CYP27C1: variants seen among roughly 807,000 people sequenced by gnomAD.
CYP27C1 encodes the protein cytochrome P450 27C1.
A neutral mutation model predicts 40.6 loss-of-function variants in CYP27C1; 29 were observed. The ratio of observed to expected loss-of-function variants is 0.71; its 90% confidence interval spans 0.53 to 0.97. CYP27C1 has a LOEUF of 0.97. Among genes scored for constraint, CYP27C1 ranks in the 50% least tolerant of loss-of-function variants. CYP27C1 has a pLI of 0.00. For missense variants in CYP27C1, 390 were observed against 485.8 expected, an observed-to-expected ratio of 0.80 and a Z score of 1.85; for synonymous variants, 198 against 186.8, an observed-to-expected ratio of 1.06 and a Z score of -0.49.
At chr2:127,211,413 C>G (rs1458778767) in intron 1 of CYP27C1, among the ~76,000 whole-genome samples, 3 of 121,510 alleles carry the variant, frequency 2.5e-5, no homozygotes, top group Non-Finnish European at 4.8e-5. Context: ...GATGGAGTCT[C>G]GCTCTTTCAC....
chr2:127,204,466 A>AAG lies in CYP27C1; in HGVS notation c.474-897_474-896dup, dbSNP rs1423637801. Among the ~76,000 whole-genome samples, 2 of 69,692 alleles carry AAG rather than the reference A, an allele frequency of 2.9e-5. 1 individual carries two copies. The highest frequency in any genetic ancestry group is 1.1e-3 in the East Asian group (2 of 1,760). The allele number at this position is 69,692 out of a possible 152,430, so 45.7% of individuals were successfully genotyped here. ...AAAGAAAGAAAGAAAGAAAGAAAGA[A>AAG]AGAAAGAAAGAAAGAAAGAAAGGAA... On this transcript the variant is annotated intron_variant, in intron 2 of 8. Coordinates refer to ENST00000664447, the MANE Select transcript of CYP27C1 (RefSeq NM_001367502.1).
chr2:127,212,760 A>T (rs1465260914), intron 1 of CYP27C1, among the ~76,000 whole-genome samples: 3 of 152,254 alleles, frequency 2.0e-5, no homozygotes, highest in African/African-American at 4.8e-5. Flanking sequence ...CTGGTACAAG[A>T]CAAGGATGTC....
chr2:127,187,415 C>T (rs1682655752), intron 8 of CYP27C1, 28 bp from the exon 9 acceptor site: 1 of 1,590,512 alleles, frequency 6.3e-7, no homozygotes, highest in African/African-American at 1.3e-5. Flanking sequence ...GAGAAGGGGT[C>T]AGAATTGGAA....
chr2:127,191,176 G>A (rs1330485423), intron 8 of CYP27C1, among the ~76,000 whole-genome samples: 1 of 152,020 alleles, frequency 6.6e-6, no homozygotes, highest in Non-Finnish European at 1.5e-5. Flanking sequence ...GACCCCAGGA[G>A]GCGGAGGTTG....
intron 4 of CYP27C1, among the ~76,000 whole-genome samples, chr2:127,199,788 T>C (rs1682989911): frequency 6.6e-6 from 1 of 152,268 alleles, no homozygotes; most frequent in African/African-American, 2.4e-5. Flanking sequence ...TATTTGCAGA[T>C]GTTTGCTTTA....
At position 127,200,888 on chromosome 2, in the gene CYP27C1, A is replaced by G. The variant is rs1420267086; in HGVS notation, c.883+234T>C. Reference sequence around the variant, plus strand: ...TGAGGCATGATAATCACTTGAACCTAGGAGGCAGAGGTTGCAGTGAGCTGA... The same window carrying G: ...TGAGGCATGATAATCACTTGAACCTGGGAGGCAGAGGTTGCAGTGAGCTGA... On this transcript the variant is annotated intron_variant, in intron 4 of 8. Transcript: ENST00000664447. This position sits in a 1 kb window ranked among gnomAD's most constrained non-coding sequence, Gnocchi z 4.2. 2.0e-5 allele frequency among the ~76,000 whole-genome samples: 3 copies of G among 151,962 alleles called. No individual in the cohort carries two copies. Among genetic ancestry groups the G allele is most frequent in the African/African-American group, 7.3e-5 (3 of 41,354 alleles).
intron 2 of CYP27C1, among the ~76,000 whole-genome samples, chr2:127,203,981 A>T (rs1248345162): frequency 1.3e-5 from 2 of 151,684 alleles, no homozygotes; most frequent in Non-Finnish European, 2.9e-5. Context: ...AAAGAAAAAG[A>T]GGGCCAGGCA....
At chr2:127,217,603 T>C (rs1012417989) in intron 1 of CYP27C1, among the ~76,000 whole-genome samples, 1 of 152,198 alleles carries the variant, frequency 6.6e-6, no homozygotes, top group African/African-American at 2.4e-5. Flanking sequence ...GTTTCGGCCA[T>C]CCTGCTGCTC....
intron 2 of CYP27C1, among the ~76,000 whole-genome samples, chr2:127,204,535 A>AAGAAAGAAAGAAAGAGAGAGAG: frequency 2.1e-5 from 1 of 46,946 alleles, no homozygotes; most frequent in African/African-American, 7.3e-5. Flanking sequence ...GAAAGAAAGA[A>AAGAAAGAAAGAAAGAGAGAGAG]AGAGAGAGAG....
At position 127,187,309 on chromosome 2, in the gene CYP27C1, C is replaced by G. The variant is rs143498542; in HGVS notation, c.1576G>C (p.Gly526Arg). 93 of 1,614,216 alleles carry G rather than the reference C, an allele frequency of 5.8e-5. No homozygotes were observed. The African/African-American group carries it at 1.1e-3, about 19-fold the overall frequency. ...ACAAATCGCACGTGGATGGGCCCCCCTGGCGTCAGGAGCCCGTGGGTTTTT... is the reference window on the plus strand; with the variant it reads ...ACAAATCGCACGTGGATGGGCCCCCGTGGCGTCAGGAGCCCGTGGGTTTTT... The part of the protein sequence containing the change: ...HAKTHGLLTP[G>R]GPIHVRFVNR... Residue 526 changes from glycine to arginine, a missense_variant, in exon 9 of 9, where the codon GGG (glycine) becomes CGG (arginine). By Grantham distance (125) the Gly-to-Arg change is moderately radical. Transcript: ENST00000664447.
Position 127,209,094 on chromosome 2 carries a change from C to T in CYP27C1, c.283-3004G>A, listed in dbSNP as rs1683289032. On this transcript the variant is annotated intron_variant, in intron 1 of 8. Coordinates refer to ENST00000664447, the MANE Select transcript of CYP27C1 (RefSeq NM_001367502.1). The surrounding 1 kb of genome is among the most constrained non-coding windows in gnomAD (Gnocchi z 4.1). ...GTCAGATACCCTATACAGAAGCAAT[C>T]CTACTGGCATCAGGTTGATGCCCCT... Among the ~76,000 whole-genome samples, 1 of 152,158 alleles carries T rather than the reference C, an allele frequency of 6.6e-6. No homozygotes were observed. Among genetic ancestry groups the T allele is most frequent in the Admixed American group, 6.5e-5 (1 of 15,276 alleles).
chr2:127,206,958 A>G (rs554061442), intron 1 of CYP27C1, among the ~76,000 whole-genome samples: 1 of 152,282 alleles, frequency 6.6e-6, no homozygotes, highest in African/African-American at 2.4e-5. Flanking sequence ...AACAAGTTCA[A>G]TAGGACACAA....
chr2:127,213,418 C>A (rs1295072367), intron 1 of CYP27C1, among the ~76,000 whole-genome samples: 2 of 152,138 alleles, frequency 1.3e-5, no homozygotes, highest in African/African-American at 4.8e-5. Flanking sequence ...TCAAACTATA[C>A]TACAAGGCTA....
In CYP27C1 at chr2:127,201,374, T is replaced by C; in HGVS notation, c.674-43A>G. The C allele has an allele frequency of 6.3e-7, 1 of 1,578,052 alleles. No individual in the cohort carries two copies. Among genetic ancestry groups the C allele is most frequent in the Non-Finnish European group, 8.7e-7 (1 of 1,154,814 alleles). ...TTTGAAAACCCTCTTCTAGATTATT[T>C]ACCATACCAACAGGCAATGTTGGGC... On this transcript the variant is annotated intron_variant, in intron 3 of 8. Coordinates refer to ENST00000664447, the MANE Select transcript of CYP27C1 (RefSeq NM_001367502.1). The surrounding 1 kb of genome is among the most constrained non-coding windows in gnomAD (Gnocchi z 6.0).
chr2:127,207,669 CA>C (rs989224983), intron 1 of CYP27C1, among the ~76,000 whole-genome samples: 135 of 126,232 alleles, frequency 1.1e-3, no homozygotes, highest in Admixed American at 7.4e-3. Flanking sequence ...GACTCTGTCA[CA>C]AAAAAAAAAA....
chr2:127,199,364 C>A lies in CYP27C1; in HGVS notation c.1047+12G>T, dbSNP rs1682977367. Reference sequence around the variant, plus strand: ...GTGTGTTGCTTGCTGAGAACAGGACCCCCAGACTCACCGTGTCGACGCCGG... The same window carrying A: ...GTGTGTTGCTTGCTGAGAACAGGACACCCAGACTCACCGTGTCGACGCCGG... On this transcript the variant is annotated intron_variant, in intron 5 of 8. Coordinates refer to ENST00000664447, the MANE Select transcript of CYP27C1 (RefSeq NM_001367502.1). 6.2e-7 allele frequency: 1 copy of A among 1,613,460 alleles called. No individual in the cohort carries two copies. Among genetic ancestry groups the A allele is most frequent in the African/African-American group, 1.3e-5 (1 of 74,902 alleles).
At chr2:127,190,331 C>CTTTTTTTTT (rs11400543) in intron 8 of CYP27C1, among the ~76,000 whole-genome samples, 2 of 120,224 alleles carry the variant, frequency 1.7e-5, no homozygotes, top group Non-Finnish European at 3.2e-5. Flanking sequence ...TGTGGCTTCT[C>CTTTTTTTTT]TTTTTTTTTT....
At chr2:127,205,634 C>A in intron 2 of CYP27C1, 1 of 976,902 alleles carries the variant, frequency 1.0e-6, no homozygotes, top group Non-Finnish European at 1.2e-6. Flanking sequence ...GCCACAAAGC[C>A]CTGCTTCCGA....
rs1473804480 is a variant in CYP27C1, at chr2:127,218,141, G to T, written c.282+1848C>A. ...AGTGGGCAGGAGGGGCTGAGCTCAG[G>T]GTGAGGGCTGGCGGCAGGGGCGGGT... On this transcript the variant is annotated intron_variant, in intron 1 of 8. Coordinates refer to ENST00000664447, the MANE Select transcript of CYP27C1 (RefSeq NM_001367502.1). This position sits in a 1 kb window ranked among gnomAD's most constrained non-coding sequence, Gnocchi z 6.0. Among the ~76,000 whole-genome samples the T allele has an allele frequency of 6.6e-6, 1 of 152,102 alleles. No individual in the cohort carries two copies. The highest frequency in any genetic ancestry group is 1.5e-5 in the Non-Finnish European group (1 of 68,020).
Sources: gnomAD v4.1 joint callset for allele counts (sites outside exome capture counted in the v4.1 genomes callset) on GRCh38, gnomAD v4.1.1 for gene constraint, Gnocchi (gnomAD v3.1) non-coding constraint, MANE v1.5 for transcripts, NCBI Gene and HGNC (gene_info 2026-07-23, HGNC 2026-07-21) for gene names.